The following LARGE1 variants were observed in gnomAD, a reference collection of about 807,000 sequenced individuals.
LARGE1 encodes the protein xylosyl- and glucuronyltransferase LARGE1.
A neutral mutation model predicts 87.6 loss-of-function variants in LARGE1; 43 were observed. That is an observed-to-expected ratio of 0.49 (90% CI 0.38 to 0.63). LARGE1 has a LOEUF of 0.63. Ranked by LOEUF, LARGE1 falls within the 30% of genes least tolerant of loss-of-function variation. The pLI, the probability that LARGE1 is intolerant of heterozygous loss-of-function variation, is 0.00. For synonymous variants in LARGE1, 434 were observed against 394.6 expected, an observed-to-expected ratio of 1.10 and a Z score of -1.18; for missense variants, 802 against 1,000.2, an observed-to-expected ratio of 0.80 and a Z score of 2.67.
At chr22:33,882,066 G>A (rs1372432268) in intron 1 of LARGE1, among the ~76,000 whole-genome samples, 23 of 141,360 alleles carry the variant, frequency 1.6e-4, no homozygotes, top group East Asian at 2.0e-4. Flanking sequence ...TTTTTGAGAC[G>A]GAGTCTCGCT....
At chr22:33,202,481 T>C (rs1325440188) in intron 11 of LARGE1, among the ~76,000 whole-genome samples, 1 of 152,224 alleles carries the variant, frequency 6.6e-6, no homozygotes, top group Non-Finnish European at 1.5e-5. Context: ...TTTCATTCAT[T>C]TTATTTCAAG....
At chr22:33,667,288 A>G (rs1569355984) in intron 2 of LARGE1, among the ~76,000 whole-genome samples, 1 of 152,210 alleles carries the variant, frequency 6.6e-6, no homozygotes, top group Admixed American at 6.5e-5. Context: ...GTCAGCCCCA[A>G]ACAACAAGCC....
At position 33,661,577 on chromosome 22, in the gene LARGE1, A is replaced by G. The variant is rs1228075250; in HGVS notation, c.107-10909T>C. On this transcript the variant is annotated intron_variant, in intron 2 of 14. Transcript: ENST00000397394. ...CAATAATGTCTGGTTTGGGTTACAG[A>G]GGATGAAAGATTTCAATGGCAAACA... is the stretch of plus-strand genomic sequence containing the variant. Among the ~76,000 whole-genome samples, 2 of 151,846 alleles carry G rather than the reference A, an allele frequency of 1.3e-5. 1 individual carries two copies. Among genetic ancestry groups the G allele is most frequent in the Non-Finnish European group, 2.9e-5 (2 of 67,980 alleles).
At position 33,183,064 on chromosome 22, in the gene LARGE1, T is replaced by C. The variant is rs557523217; in HGVS notation, c.1731-16232A>G. ...GGAGAAAATACTTGCAAATCATATA[T>C]CTGATAAGCAGTATCATGTATACAT... On this transcript the variant is annotated intron_variant, in intron 11 of 11. Coordinates refer to the LARGE1 transcript ENST00000608642. Among the ~76,000 whole-genome samples, 3 of 152,128 alleles carry C rather than the reference T, an allele frequency of 2.0e-5. No homozygotes were observed. In the South Asian group the frequency reaches 6.2e-4, roughly 32 times the overall value.
intron 1 of LARGE1, among the ~76,000 whole-genome samples, chr22:33,891,635 T>TC (rs2065009654): frequency 6.6e-6 from 1 of 152,154 alleles, no homozygotes; most frequent in African/African-American, 2.4e-5. Flanking sequence ...TTACATGAGA[T>TC]CATACCTATA....
intron 9 of LARGE1, among the ~76,000 whole-genome samples, chr22:33,340,844 T>C (rs1274982809): frequency 2.0e-5 from 3 of 151,912 alleles, no homozygotes; most frequent in African/African-American, 7.3e-5. Flanking sequence ...ACATGGGAGC[T>C]AGGCTTCAAA....
chr22:33,900,116 A>C (rs2065244945), intron 1 of LARGE1, among the ~76,000 whole-genome samples: 1 of 152,228 alleles, frequency 6.6e-6, no homozygotes, highest in African/African-American at 2.4e-5. Context: ...ACCAGAATAC[A>C]TTCCCACACT....
At chr22:33,618,425 T>C (rs547811524) in intron 4 of LARGE1, among the ~76,000 whole-genome samples, 4 of 152,216 alleles carry the variant, frequency 2.6e-5, no homozygotes, top group Admixed American at 6.5e-5. Flanking sequence ...TTTCCTCATC[T>C]GTTTATGGGG....
chr22:33,729,756 C>T (rs1055174277), intron 2 of LARGE1, among the ~76,000 whole-genome samples: 1 of 152,248 alleles, frequency 6.6e-6, no homozygotes, highest in Admixed American at 6.5e-5. Context: ...TTCCCTAAGC[C>T]TTGGTTCCTA....
rs574103957 is a variant in LARGE1 at position 33,483,453 on chromosome 22, T to C, written c.788-51188A>G. ...TGCAAAATTAGCTATTGAGTTCCCA[T>C]GTCCAGAGGACTGAGAGGGTGATGG... On this transcript the variant is annotated intron_variant, in intron 6 of 14. Coordinates refer to ENST00000397394, the MANE Select transcript of LARGE1 (RefSeq NM_133642.5). Among the ~76,000 whole-genome samples the C allele has an allele frequency of 2.3e-4, 35 of 152,238 alleles. No individual in the cohort carries two copies. In the South Asian group the frequency reaches 6.0e-3, roughly 26 times the overall value.
At chr22:33,239,828 G>A (rs1046951603) in intron 11 of LARGE1, among the ~76,000 whole-genome samples, 3 of 151,978 alleles carry the variant, frequency 2.0e-5, no homozygotes, top group East Asian at 1.9e-4. Context: ...GAGCCACTGC[G>A]CCTGGCCTGC....
intron 5 of LARGE1, among the ~76,000 whole-genome samples, chr22:33,592,713 A>G (rs1171556926): frequency 6.6e-6 from 1 of 152,216 alleles, no homozygotes; most frequent in African/African-American, 2.4e-5. Flanking sequence ...CCTTTATAAC[A>G]ATACCTTTTC....
intron 2 of LARGE1, among the ~76,000 whole-genome samples, chr22:33,700,028 T>A (rs2082361353): frequency 6.6e-6 from 1 of 152,242 alleles, no homozygotes; most frequent in African/African-American, 2.4e-5. Flanking sequence ...CAGGTTCTAA[T>A]GTAACCACTG....
intron 6 of LARGE1, among the ~76,000 whole-genome samples, chr22:33,464,441 A>G (rs1309709932): frequency 2.0e-5 from 3 of 152,220 alleles, no homozygotes; most frequent in Non-Finnish European, 4.4e-5. Flanking sequence ...TAGACATGCA[A>G]TAAACTGAAG....
intron 11 of LARGE1, among the ~76,000 whole-genome samples, chr22:33,260,503 C>T (rs1270565239): frequency 6.6e-6 from 1 of 152,200 alleles, no homozygotes; most frequent in Admixed American, 6.5e-5. Context: ...TCTCTTATGT[C>T]ACCTTCTCGA....
At position 33,621,904 on chromosome 22, in the gene LARGE1, G is replaced by A. The variant is rs182652322; in HGVS notation, c.491+4340C>T. ...CTGAGAATGACCCTGTTTGACAGAC[G>A]TACCTGAATGTATGTTCTGAACTGG... is the stretch of plus-strand genomic sequence containing the variant. On this transcript the variant is annotated intron_variant, in intron 4 of 14. Transcript: ENST00000397394. 3.9e-3 allele frequency among the ~76,000 whole-genome samples: 600 copies of A among 152,292 alleles called. 5 individuals are homozygous for A. Among genetic ancestry groups the A allele is most frequent in the Middle Eastern group, 0.01 (3 of 294 alleles).
At position 33,325,001 on chromosome 22, in the gene LARGE1, TAGA is replaced by T. The variant is rs373969537; in HGVS notation, c.1288-8756_1288-8754del. 1.1e-4 allele frequency among the ~76,000 whole-genome samples: 17 copies of T among 152,354 alleles called. No homozygotes were observed. The East Asian group carries it at 1.9e-3, about 17-fold the overall frequency. ...AAGAACCACTCTTAGTCCTCTTTAG[TAGA>T]AGAAGACATCCATCATCTGAAAGGT... On this transcript the variant is annotated intron_variant, in intron 10 of 14. Transcript: ENST00000397394.
intron 7 of LARGE1, among the ~76,000 whole-genome samples, chr22:33,392,178 A>G (rs954786816): frequency 3.4e-5 from 5 of 147,738 alleles, no homozygotes; most frequent in African/African-American, 5.0e-5. Flanking sequence ...TAGCTATCCC[A>G]GAAGGGGAAG....
At chr22:33,432,560 A>AAATC (rs1454539276) in intron 6 of LARGE1, among the ~76,000 whole-genome samples, 2 of 137,008 alleles carry the variant, frequency 1.5e-5, no homozygotes, top group African/African-American at 5.8e-5. Context: ...CTAGAATCCC[A>AAATC]AATCATTCAT....
Sources: allele counts gnomAD v4.1 joint callset (sites outside exome capture counted in the v4.1 genomes callset), GRCh38; gene constraint gnomAD v4.1.1; transcripts MANE v1.5; gene names NCBI Gene and HGNC (gene_info 2026-07-23, HGNC 2026-07-21).